Variants in RIN3 observed in about 807,000 individuals in gnomAD.
The protein encoded by RIN3 is Ras and Rab interactor 3.
RIN3 carries 54 observed loss-of-function variants against 76.3 expected under a neutral mutation model. That is an observed-to-expected ratio of 0.71 (90% CI 0.57 to 0.89). The LOEUF is 0.89. Among genes scored for constraint, RIN3 ranks in the 40% least tolerant of loss-of-function variants. The pLI, the probability that RIN3 is intolerant of heterozygous loss-of-function variation, is 0.00. For synonymous variants in RIN3, 576 were observed against 564.0 expected, an observed-to-expected ratio of 1.02 and a Z score of -0.30; for missense variants, 1,256 against 1,322.1, an observed-to-expected ratio of 0.95 and a Z score of 0.78.
intron 3 of RIN3, among the ~76,000 whole-genome samples, chr14:92,609,354 C>T (rs923423565): frequency 1.3e-5 from 2 of 152,174 alleles, no homozygotes; most frequent in Admixed American, 6.5e-5. Context: ...AGGGCAGAGT[C>T]TGTTGTCACC....
intron 4 of RIN3, chr14:92,615,839 C>T (rs987435559): frequency 1.3e-5 from 3 of 231,094 alleles, no homozygotes; most frequent in East Asian, 1.1e-4. Context: ...GCTGATCCCC[C>T]TTCATGGGAG....
chr14:92,599,916 T>G (rs1472979094), intron 3 of RIN3, among the ~76,000 whole-genome samples: 1 of 152,228 alleles, frequency 6.6e-6, no homozygotes, highest in Non-Finnish European at 1.5e-5. Flanking sequence ...TATAATTGCC[T>G]GGGAGCTTTG....
intron 4 of RIN3, among the ~76,000 whole-genome samples, chr14:92,635,136 G>A (rs369023880): frequency 8.4e-4 from 128 of 152,272 alleles, no homozygotes; most frequent in African/African-American, 2.9e-3. Context: ...CTAAGGACTC[G>A]GCATTTGGAG....
intron 3 of RIN3, among the ~76,000 whole-genome samples, chr14:92,614,352 G>T (rs1885867629): frequency 6.6e-6 from 1 of 152,170 alleles, no homozygotes; most frequent in Admixed American, 6.5e-5. Flanking sequence ...CTTCCTCCTG[G>T]CCTCTACTGG....
chr14:92,674,162 G>A (rs888120414), intron 7 of RIN3, among the ~76,000 whole-genome samples: 1 of 152,166 alleles, frequency 6.6e-6, no homozygotes, highest in Non-Finnish European at 1.5e-5. Context: ...CCTCCCTGCC[G>A]AGGTGAGAGG....
chr14:92,549,341 C>T (rs184604069), intron 1 of RIN3, among the ~76,000 whole-genome samples: 2 of 152,296 alleles, frequency 1.3e-5, no homozygotes, highest in East Asian at 3.9e-4. Context: ...CGTGAGGCTG[C>T]ATTGGAACTC....
intron 4 of RIN3, among the ~76,000 whole-genome samples, chr14:92,640,271 T>A (rs113769196): frequency 8.5e-6 from 1 of 117,584 alleles, no homozygotes; most frequent in South Asian, 3.2e-4. Context: ...CCTGACTGTG[T>A]GTTTGCTGGG....
chr14:92,528,305 A>G (rs1186613611), intron 1 of RIN3, among the ~76,000 whole-genome samples: 1 of 152,150 alleles, frequency 6.6e-6, no homozygotes, highest in Non-Finnish European at 1.5e-5. Flanking sequence ...ACATGTGGAC[A>G]TTGAGTGGTA....
At chr14:92,659,909 C>T (rs923653561) in intron 7 of RIN3, among the ~76,000 whole-genome samples, 1 of 152,190 alleles carries the variant, frequency 6.6e-6, no homozygotes, top group Admixed American at 6.5e-5. Context: ...TTCCGAGCTT[C>T]TGGTAGCTCC....
intron 4 of RIN3, among the ~76,000 whole-genome samples, chr14:92,640,188 CTG>C (rs1433108124): frequency 1.9e-5 from 2 of 107,646 alleles, no homozygotes; most frequent in East Asian, 6.0e-4. Context: ...AGATGCCTGA[CTG>C]TGTGTTCATC....
At chr14:92,585,089 C>G (rs548727861) in intron 3 of RIN3, among the ~76,000 whole-genome samples, 1 of 152,130 alleles carries the variant, frequency 6.6e-6, no homozygotes, top group African/African-American at 2.4e-5. Context: ...TCACTGCAAC[C>G]GCAGCTGCAA....
At chr14:92,654,275 C>T (rs7160920) in intron 6 of RIN3, among the ~76,000 whole-genome samples, 29,292 of 151,076 alleles carry the variant, frequency 0.19, 3,219 homozygotes, top group East Asian at 0.31. Flanking sequence ...GATTGTGCCA[C>T]TGCACTCCAG....
intron 4 of RIN3, among the ~76,000 whole-genome samples, chr14:92,629,117 A>AAGAG (rs58288914): frequency 0.012 from 1,725 of 145,334 alleles, 19 homozygotes; most frequent in Middle Eastern, 0.032. Flanking sequence ...CGGAAAGGAA[A>AAGAG]AGAGAGAGAG....
intron 4 of RIN3, among the ~76,000 whole-genome samples, chr14:92,629,447 T>C (rs751418393): frequency 6.0e-4 from 91 of 152,362 alleles, no homozygotes; most frequent in Admixed American, 1.4e-3. Flanking sequence ...TGGGGGAGTT[T>C]AAATACCCTC....
chr14:92,578,714 G>A (rs1046126575), intron 3 of RIN3, among the ~76,000 whole-genome samples: 3 of 152,170 alleles, frequency 2.0e-5, no homozygotes, highest in African/African-American at 7.2e-5. Context: ...TTCTTGCACT[G>A]AGTCAGTTCC....
chr14:92,536,537 A>T (rs1897002852), intron 1 of RIN3, among the ~76,000 whole-genome samples: 1 of 152,006 alleles, frequency 6.6e-6, no homozygotes, highest in Admixed American at 6.6e-5. Context: ...AGGTCAGGAG[A>T]TCGAGATCAT....
chr14:92,678,566 G>T (rs1888559431), intron 8 of RIN3, among the ~76,000 whole-genome samples: 1 of 133,794 alleles, frequency 7.5e-6, no homozygotes, highest in African/African-American at 2.8e-5. Flanking sequence ...CCACATATTT[G>T]CCCACCCTCC....
At chr14:92,524,094 T>C (rs1330746169) in intron 1 of RIN3, among the ~76,000 whole-genome samples, 1 of 152,148 alleles carries the variant, frequency 6.6e-6, no homozygotes, top group African/African-American at 2.4e-5. Flanking sequence ...CTCGGGAGGC[T>C]GAGGCAGGGG....
chr14:92,655,279 C>T (rs544204778), intron 6 of RIN3, among the ~76,000 whole-genome samples: 44 of 152,312 alleles, frequency 2.9e-4, no homozygotes, highest in African/African-American at 1.0e-3. Flanking sequence ...ATCCAGGAGG[C>T]GGAGATTGCA....
Sources: allele counts gnomAD v4.1 joint callset (sites outside exome capture counted in the v4.1 genomes callset), GRCh38; gene constraint gnomAD v4.1.1; transcripts MANE v1.5; gene names NCBI Gene and HGNC (gene_info 2026-07-23, HGNC 2026-07-21).